Variants in SMCO4 observed in about 807,000 individuals in gnomAD.
SMCO4 encodes the protein single-pass membrane protein with coiled-coil domains 4.
Under a neutral mutation model 3.6 loss-of-function variants are expected in SMCO4, and 4 were observed. The observed-to-expected ratio is 1.11, with a 90% confidence interval of 0.54 to 2.53. SMCO4 has a LOEUF of 2.53. Ranked by LOEUF, SMCO4 falls within the 30% of genes most tolerant of loss-of-function variation. SMCO4 has a pLI of 0.02. For missense variants in SMCO4, 70 were observed against 80.8 expected, an observed-to-expected ratio of 0.87 and a Z score of 0.51; for synonymous variants, 36 against 35.3, an observed-to-expected ratio of 1.02 and a Z score of -0.07.
intron 1 of SMCO4, among the ~76,000 whole-genome samples, chr11:93,523,731 G>T (rs1246195765): frequency 6.6e-6 from 1 of 152,224 alleles, no homozygotes; most frequent in East Asian, 1.9e-4. Flanking sequence ...GTGAAAGTGT[G>T]TGTGCTAAAA....
At chr11:93,520,697 G>T (rs894792959) in intron 1 of SMCO4, among the ~76,000 whole-genome samples, 3 of 152,136 alleles carry the variant, frequency 2.0e-5, no homozygotes, top group African/African-American at 7.2e-5. Flanking sequence ...GGGATATAAA[G>T]AACAAAATTA....
chr11:93,518,349 G>T (rs183697278), intron 1 of SMCO4, among the ~76,000 whole-genome samples: 1 of 152,254 alleles, frequency 6.6e-6, no homozygotes, highest in Non-Finnish European at 1.5e-5. Context: ...GTCTATCCAT[G>T]TATCCACTGA....
intron 1 of SMCO4, among the ~76,000 whole-genome samples, chr11:93,538,302 A>G (rs1433797450): frequency 6.6e-6 from 1 of 152,186 alleles, no homozygotes; most frequent in African/African-American, 2.4e-5. Flanking sequence ...AACCCCTGCA[A>G]GTTTGGTGAC....
chr11:93,483,339 C>A lies in SMCO4; in HGVS notation c.-80-4070G>T, dbSNP rs57467434. 2.3e-3 allele frequency among the ~76,000 whole-genome samples: 353 copies of A among 152,280 alleles called. 1 individual carries two copies. The highest frequency in any genetic ancestry group is 8.1e-3 in the African/African-American group (335 of 41,558). On this transcript the variant is annotated intron_variant, in intron 2 of 2. Coordinates refer to ENST00000298966, the MANE Select transcript of SMCO4 (RefSeq NM_020179.3). ...CTCTGGGCCCAGGGGCTGCACCGGG[C>A]GGCCTCCTGGGCCAGGGCTGGCTCA...
intron 1 of SMCO4, among the ~76,000 whole-genome samples, chr11:93,539,240 A>G (rs1949253179): frequency 6.6e-6 from 1 of 151,862 alleles, no homozygotes; most frequent in South Asian, 2.1e-4. Context: ...CCAGCTCTTC[A>G]TAATCAATGA....
At chr11:93,486,646 C>T (rs560929703) in intron 2 of SMCO4, among the ~76,000 whole-genome samples, 1 of 152,292 alleles carries the variant, frequency 6.6e-6, no homozygotes, top group South Asian at 2.1e-4. Flanking sequence ...CCACCCACCC[C>T]TACACTGCCC....
intron 2 of SMCO4, among the ~76,000 whole-genome samples, chr11:93,497,541 C>G (rs60477826): frequency 6.6e-6 from 1 of 152,094 alleles, no homozygotes; most frequent in Admixed American, 6.5e-5. Context: ...CAGGGTCAGA[C>G]TCTCAACAGA....
intron 2 of SMCO4, chr11:93,481,629 C>A: frequency 1.9e-6 from 1 of 524,532 alleles, no homozygotes; most frequent in Non-Finnish European, 2.4e-6. Flanking sequence ...AATGTCTTGC[C>A]AACAGTCACC....
chr11:93,515,735 C>T (rs1336883371), intron 1 of SMCO4, among the ~76,000 whole-genome samples: 1 of 152,220 alleles, frequency 6.6e-6, no homozygotes, highest in Admixed American at 6.5e-5. Context: ...CTGGCTCCAC[C>T]ACCCCAGAAG....
At chr11:93,542,229 C>A (rs139322856) in intron 1 of SMCO4, among the ~76,000 whole-genome samples, 2 of 152,292 alleles carry the variant, frequency 1.3e-5, no homozygotes, top group East Asian at 3.9e-4. Flanking sequence ...CCAACCTACG[C>A]AGACACTAGC....
At position 93,490,011 on chromosome 11, in the gene SMCO4, C is replaced by T. The variant is rs191123589; in HGVS notation, c.-81+9265G>A. ...AAAGCAGCCCGGGTAAGTGCAGGCT[C>T]GTCCTCAAAAGCTCCTTCCCAGAGC... On this transcript the variant is annotated intron_variant, in intron 2 of 2. Coordinates refer to ENST00000298966, the MANE Select transcript of SMCO4 (RefSeq NM_020179.3). Among the ~76,000 whole-genome samples, 590 of 152,300 alleles carry T rather than the reference C, an allele frequency of 3.9e-3. 8 individuals are homozygous for T. Among genetic ancestry groups the T allele is most frequent in the African/African-American group, 0.014 (564 of 41,574 alleles).
At chr11:93,533,647 G>A (rs778982019) in intron 1 of SMCO4, among the ~76,000 whole-genome samples, 109 of 152,166 alleles carry the variant, frequency 7.2e-4, no homozygotes, top group Admixed American at 2.0e-3. Context: ...CTGCGTGTGG[G>A]GCTCTGATGT....
intron 1 of SMCO4, among the ~76,000 whole-genome samples, chr11:93,522,055 G>C (rs1949062329): frequency 6.6e-6 from 1 of 152,168 alleles, no homozygotes; most frequent in African/African-American, 2.4e-5. Context: ...TTAACAGTTT[G>C]AAAAGCCCCA....
intron 1 of SMCO4, among the ~76,000 whole-genome samples, chr11:93,522,870 A>C (rs185655442): frequency 3.9e-5 from 6 of 152,316 alleles, no homozygotes; most frequent in Admixed American, 3.9e-4. Context: ...GAGGACAAGA[A>C]TCCTTGTCTG....
At chr11:93,533,313 T>C (rs562908166) in intron 1 of SMCO4, among the ~76,000 whole-genome samples, 2 of 152,164 alleles carry the variant, frequency 1.3e-5, no homozygotes, top group Admixed American at 6.5e-5. Flanking sequence ...ACTGTAGGAA[T>C]AGAAGAACAT....
At chr11:93,488,494 T>C (rs1948675847) in intron 2 of SMCO4, among the ~76,000 whole-genome samples, 1 of 152,178 alleles carries the variant, frequency 6.6e-6, no homozygotes, top group Admixed American at 6.5e-5. Flanking sequence ...AGTGGTCTGA[T>C]ACCGAGTACA....
intron 1 of SMCO4, among the ~76,000 whole-genome samples, chr11:93,535,304 G>A (rs1361501696): frequency 6.6e-6 from 1 of 152,166 alleles, no homozygotes; most frequent in Non-Finnish European, 1.5e-5. Context: ...ACACCACCCT[G>A]AGCTGAGCCA....
At chr11:93,510,131 TG>T (rs1948944232) in intron 1 of SMCO4, among the ~76,000 whole-genome samples, 2 of 152,198 alleles carry the variant, frequency 1.3e-5, no homozygotes, top group Admixed American at 1.3e-4. Context: ...TTGACAAGGT[TG>T]GTGTGAGCAT....
intron 1 of SMCO4, among the ~76,000 whole-genome samples, chr11:93,507,865 C>T (rs1019969432): frequency 8.5e-5 from 13 of 152,156 alleles, no homozygotes; most frequent in African/African-American, 2.9e-4. Flanking sequence ...AATGCAAAAG[C>T]ATTTATGAGA....
Sources: allele counts gnomAD v4.1 joint callset (sites outside exome capture counted in the v4.1 genomes callset), GRCh38; gene constraint gnomAD v4.1.1; transcripts MANE v1.5; gene names NCBI Gene and HGNC (gene_info 2026-07-23, HGNC 2026-07-21).